The following TRPV3 variants were observed in gnomAD, a reference collection of about 807,000 sequenced individuals.
The protein encoded by TRPV3 is transient receptor potential cation channel subfamily V member 3, also known as VRL-3.
Under a neutral mutation model 87.1 loss-of-function variants are expected in TRPV3, and 88 were observed. That is an observed-to-expected ratio of 1.01 (90% confidence interval 0.85 to 1.21). The LOEUF (loss-of-function observed/expected upper bound fraction) is 1.21, where lower values mean the gene tolerates loss of function less well. TRPV3 is among the 50% of genes most tolerant of loss of function. TRPV3 has a pLI of 0.00. For missense variants in TRPV3, 1,054 were observed against 1,030.1 expected, an observed-to-expected ratio of 1.02 and a Z score of -0.32; for synonymous variants, 438 against 423.3, an observed-to-expected ratio of 1.03 and a Z score of -0.43.
At chr17:3,545,421 A>G in intron 2 of TRPV3, 150 bp from the exon 3 acceptor site, 1 of 577,096 alleles carries the variant, frequency 1.7e-6, no homozygotes, top group Non-Finnish European at 3.1e-6. Context: ...CCCTCCCGGG[A>G]GCCCTCGGAG....
At chr17:3,553,265 G>A in intron 2 of TRPV3, 1 of 152,752 alleles carries the variant, frequency 6.5e-6, no homozygotes. Context: ...CTTCCCAAAG[G>A]CCTCCTCATG....
chr17:3,510,642 G>C lies in TRPV3; in HGVS notation c.*3275C>G, dbSNP rs1347829877. The stretch of plus-strand genomic sequence containing the variant: ...ACACACTAAGAACAAGTAGGTAAAT[G>C]AGAATTTACAAGGATCCGGCACATT... On this transcript the variant is annotated 3_prime_UTR_variant, in exon 18 of 18. Transcript: ENST00000576742. The C allele has an allele frequency of 6.6e-6, 1 of 152,236 alleles. No individual in the cohort carries two copies. The highest frequency in any genetic ancestry group is 2.4e-5 in the African/African-American group (1 of 41,462). 9.4% of individuals were successfully genotyped at this position (152,236 alleles called of 1,614,324 possible).
rs1312752074 is a variant in TRPV3, at chr17:3,557,429, C to T, written c.-3+247G>A. Among the ~76,000 whole-genome samples, 5 of 152,188 alleles carry T rather than the reference C, an allele frequency of 3.3e-5. No homozygotes were observed. Among genetic ancestry groups the T allele is most frequent in the Non-Finnish European group, 7.3e-5 (5 of 68,028 alleles). On this transcript the variant is annotated intron_variant, in intron 1 of 17. Transcript: ENST00000576742. The surrounding 1 kb of genome is among the most constrained non-coding windows in gnomAD (Gnocchi z 4.5). ...ATGTCCCTCCCCAGGATTCCCAAAC[C>T]TCAGGGGAATGTTCCTGAGTCTGTA...
At position 3,528,759 on chromosome 17, in the gene TRPV3, T is replaced by A. The variant is rs2074322580; in HGVS notation, c.1401+78A>T. The A allele has an allele frequency of 1.3e-6, 2 of 1,558,492 alleles. No homozygotes were observed. Among genetic ancestry groups the A allele is most frequent in the Admixed American group, 1.8e-5 (1 of 55,918 alleles). ...TCCTGGTCTCTCTGGGCCTCAGTTT[T>A]CCCACCTGCACGTGGGGCAGCTCCA... On this transcript the variant is annotated intron_variant, in intron 10 of 17. Coordinates refer to ENST00000576742, the MANE Select transcript of TRPV3 (RefSeq NM_145068.4). The surrounding 1 kb of genome is among the most constrained non-coding windows in gnomAD (Gnocchi z 4.2).
intron 11 of TRPV3, among the ~76,000 whole-genome samples, chr17:3,527,302 C>T (rs188953723): frequency 2.0e-4 from 31 of 152,282 alleles, no homozygotes; most frequent in Admixed American, 5.2e-4. Context: ...TCATCGTCCT[C>T]GTGCCCAATC....
chr17:3,533,334 G>C (rs2074368077), intron 7 of TRPV3, among the ~76,000 whole-genome samples: 1 of 152,074 alleles, frequency 6.6e-6, no homozygotes. Flanking sequence ...CCTTCGCTCG[G>C]CTGTCCCCTC....
chr17:3,524,171 C>T lies in TRPV3; in HGVS notation c.1743+27G>A, dbSNP rs766370691. The T allele has an allele frequency of 3.1e-6, 5 of 1,608,436 alleles. No individual in the cohort carries two copies. In the East Asian group the frequency reaches 1.1e-4, roughly 36 times the overall value. ...GAAAAATGGCCATCCTCCGAGGGCCCTCCCGCCGGCGCAGCTCTCAACGCA... is the reference window on the plus strand; with the variant it reads ...GAAAAATGGCCATCCTCCGAGGGCCTTCCCGCCGGCGCAGCTCTCAACGCA... On this transcript the variant is annotated intron_variant, in intron 13 of 17. Coordinates refer to ENST00000576742, the MANE Select transcript of TRPV3 (RefSeq NM_145068.4).
chr17:3,543,995 C>T (rs2074494799), intron 4 of TRPV3, among the ~76,000 whole-genome samples: 1 of 151,900 alleles, frequency 6.6e-6, no homozygotes, highest in Non-Finnish European at 1.5e-5. Context: ...GCGTTGATGT[C>T]TCCTTTTGTT....
intron 3 of TRPV3, 23 bp from the exon 4 acceptor site, chr17:3,544,688 C>G (rs778945431): frequency 1.3e-6 from 2 of 1,579,064 alleles, no homozygotes; most frequent in East Asian, 4.5e-5. Flanking sequence ...GCAGGGGGAA[C>G]AGAGAGGGTT....
rs117095163 is a variant in TRPV3 at position 3,528,675 on chromosome 17, T to C, written c.1401+162A>G. Among the ~76,000 whole-genome samples the C allele has an allele frequency of 0.078, 11,872 of 152,252 alleles. 549 individuals are homozygous for C. The highest frequency in any genetic ancestry group is 0.12 in the Middle Eastern group (35 of 294). On this transcript the variant is annotated intron_variant, in intron 10 of 17. Transcript: ENST00000576742. This position sits in a 1 kb window ranked among gnomAD's most constrained non-coding sequence, Gnocchi z 4.2. ...CTGGGGCTTAGCCCAGGCTAAGCAC[T>C]GAAGACATATTCAGTTCCCTGGGAA...
intron 6 of TRPV3, among the ~76,000 whole-genome samples, chr17:3,537,969 C>T (rs1407074197): frequency 1.3e-5 from 2 of 148,698 alleles, no homozygotes; most frequent in African/African-American, 2.5e-5. Context: ...GAGGCTGAGG[C>T]GGGCAGATCA....
chr17:3,524,149 A>T, intron 13 of TRPV3, 49 bp downstream of exon 13: 1 of 1,599,010 alleles, frequency 6.3e-7, no homozygotes, highest in Non-Finnish European at 8.5e-7. Context: ...CCCATCTGAA[A>T]AATGGCCATC....
At chr17:3,543,280 T>A (rs1307005093) in intron 5 of TRPV3, among the ~76,000 whole-genome samples, 194 bp downstream of exon 5, 1 of 152,066 alleles carries the variant, frequency 6.6e-6, no homozygotes, top group Non-Finnish European at 1.5e-5. Context: ...CACACAGTAG[T>A]CAGACCCGAC....
intron 2 of TRPV3, among the ~76,000 whole-genome samples, chr17:3,551,602 A>G (rs1350764728): frequency 6.6e-6 from 1 of 152,232 alleles, no homozygotes; most frequent in African/African-American, 2.4e-5. Context: ...CTTTGTGCCA[A>G]GAAATGCCCA....
At position 3,518,004 on chromosome 17, in the gene TRPV3, C is replaced by T. The variant is rs996339658; in HGVS notation, c.2085+572G>A. On this transcript the variant is annotated intron_variant, in intron 15 of 17. Coordinates refer to ENST00000576742, the MANE Select transcript of TRPV3 (RefSeq NM_145068.4). This position sits in a 1 kb window ranked among gnomAD's most constrained non-coding sequence, Gnocchi z 4.3. ...TGGCTAGCTTTTGTATTTTTAGTAG[C>T]GATGAGGTTTCACCATGTTGGCCAA... is the stretch of plus-strand genomic sequence containing the variant. Among the ~76,000 whole-genome samples, 1 of 151,780 alleles carries T rather than the reference C, an allele frequency of 6.6e-6. No homozygotes were observed. Among genetic ancestry groups the T allele is most frequent in the African/African-American group, 2.4e-5 (1 of 41,316 alleles).
intron 14 of TRPV3, among the ~76,000 whole-genome samples, chr17:3,520,284 A>C (rs12944105): frequency 0.29 from 43,812 of 152,048 alleles, 6,472 homozygotes; most frequent in South Asian, 0.38. Context: ...AGAGATTTTA[A>C]GAGGGGGCTC....
At chr17:3,542,469 A>G in intron 6 of TRPV3, 53 bp downstream of exon 6, 1 of 1,578,550 alleles carries the variant, frequency 6.3e-7, no homozygotes, top group Non-Finnish European at 8.6e-7. Context: ...CTGTGGCCCC[A>G]TACCCCACCC....
chr17:3,543,560 A>T lies in TRPV3; in HGVS notation c.380T>A (p.Val127Glu). 1 of 1,614,066 alleles carries T rather than the reference A, an allele frequency of 6.2e-7. No individual in the cohort carries two copies. Among genetic ancestry groups the T allele is most frequent in the Non-Finnish European group, 8.5e-7 (1 of 1,179,992 alleles). ...RRLKKRIFAA[V>E]SEGCVEELVE... ...CAACTCCTCCACGCAGCCCTCAGAC[A>T]CGGCTGCAAAGATGCGCTTCTTCAG... The change falls in exon 5 of 18, where the codon GTG (valine) becomes GAG (glutamate). Residue 127 changes from valine (V) to glutamate (E), a missense_variant. Coordinates refer to ENST00000576742, the MANE Select transcript of TRPV3 (RefSeq NM_145068.4).
chr17:3,528,255 T>G lies in TRPV3; in HGVS notation c.1402-129A>C. 7 of 650,438 alleles carry G rather than the reference T, an allele frequency of 1.1e-5. No individual in the cohort carries two copies. Among genetic ancestry groups the G allele is most frequent in the East Asian group, 2.8e-5 (1 of 35,632 alleles). The allele number at this position is 650,438 out of a possible 1,614,324, so 40.3% of individuals were successfully genotyped here. Reference sequence around the variant, plus strand: ...AGAGACCAGCATGAAACCTGATCTCTGTACAGGGCAAGAGAAGGAAGAGCA... The same window carrying G: ...AGAGACCAGCATGAAACCTGATCTCGGTACAGGGCAAGAGAAGGAAGAGCA... On this transcript the variant is annotated intron_variant, in intron 10 of 17. Coordinates refer to ENST00000576742, the MANE Select transcript of TRPV3 (RefSeq NM_145068.4). The surrounding 1 kb of genome is among the most constrained non-coding windows in gnomAD (Gnocchi z 4.2).
Sources: gnomAD v4.1 joint callset for allele counts (sites outside exome capture counted in the v4.1 genomes callset) on GRCh38, gnomAD v4.1.1 for gene constraint, Gnocchi (gnomAD v3.1) non-coding constraint, MANE v1.5 for transcripts, NCBI Gene and HGNC (gene_info 2026-07-23, HGNC 2026-07-21) for gene names.